Variants in CSMD1 observed in about 807,000 individuals in gnomAD.
The protein encoded by CSMD1 is CUB and Sushi multiple domains 1.
CSMD1 carries 213 observed loss-of-function variants against 417.5 expected under a neutral mutation model. That is an observed-to-expected ratio of 0.51 (90% CI 0.46 to 0.57). CSMD1 has a LOEUF of 0.57. CSMD1 is among the 20% of genes least tolerant of loss of function. CSMD1 has a pLI of 0.00. For missense variants in CSMD1, 6,923 were observed against 4,529.7 expected (o/e 1.53, Z -15.17); for synonymous variants, 2,862 against 1,736.8 (o/e 1.65, Z -16.11).
intron 2 of CSMD1, among the ~76,000 whole-genome samples, chr8:4,543,671 GAAAAAAA>G (rs35739254): frequency 4.4e-4 from 25 of 57,316 alleles, no homozygotes; most frequent in East Asian, 6.6e-4. Context: ...GTTTAATTTT[GAAAAAAA>G]AAAAAAAAAA....
intron 3 of CSMD1, among the ~76,000 whole-genome samples, chr8:4,257,713 G>C (rs1803563462): frequency 1.3e-5 from 2 of 152,076 alleles, no homozygotes; most frequent in South Asian, 2.1e-4. Context: ...AGTGTCACTG[G>C]GTACCAAATA....
Position 4,994,713 on chromosome 8 carries a change from C to T in CSMD1, c.-297G>A, listed in dbSNP as rs1015739620. On this transcript the variant is annotated 5_prime_UTR_variant, in exon 1 of 70. Coordinates refer to ENST00000635120, the MANE Select transcript of CSMD1 (RefSeq NM_033225.6). ...GCCGGGCAGGAAGGCACCAAGGCGG[C>T]GAGGCTGCGGGAGGGGGAGAAGCGG... The T allele has an allele frequency of 3.0e-6, 1 of 337,348 alleles. No homozygotes were observed. The highest frequency in any genetic ancestry group is 5.4e-6 in the Non-Finnish European group (1 of 185,804). The allele number at this position is 337,348 out of a possible 1,614,324, so 20.9% of individuals were successfully genotyped here.
chr8:4,738,827 G>T (rs1810411923), intron 1 of CSMD1, among the ~76,000 whole-genome samples: 1 of 152,022 alleles, frequency 6.6e-6, no homozygotes, highest in East Asian at 1.9e-4. Flanking sequence ...ACTACAGATG[G>T]AGAATAGAAA....
chr8:4,005,151 G>T (rs930635761), intron 4 of CSMD1, among the ~76,000 whole-genome samples: 2 of 152,056 alleles, frequency 1.3e-5, no homozygotes, highest in Admixed American at 1.3e-4. Context: ...GAGTGGGAGT[G>T]GGGAAAGGGG....
At chr8:4,776,556 C>G (rs796154074) in intron 1 of CSMD1, among the ~76,000 whole-genome samples, 1 of 152,136 alleles carries the variant, frequency 6.6e-6, no homozygotes, top group Non-Finnish European at 1.5e-5. Context: ...AATTCCACTA[C>G]GGGCTGCATT....
intron 5 of CSMD1, among the ~76,000 whole-genome samples, chr8:3,865,500 T>C (rs1462456705): frequency 6.7e-6 from 1 of 150,256 alleles, no homozygotes; most frequent in Non-Finnish European, 1.5e-5. Flanking sequence ...CAGAAAAGGG[T>C]GACAATAGTG....
rs556636174 is a variant in CSMD1 at position 4,154,412 on chromosome 8, A to T, written c.416-122313T>A. ...CTATTGTATAAGTATAGACAAAGGC[A>T]TTTAGCAGATGCCACTTTATTGCCT... is the stretch of plus-strand genomic sequence containing the variant. On this transcript the variant is annotated intron_variant, in intron 3 of 69. Transcript: ENST00000635120. 4.2e-4 allele frequency among the ~76,000 whole-genome samples: 64 copies of T among 152,362 alleles called. 2 individuals carry two copies. Among genetic ancestry groups the T allele is most frequent in the Non-Finnish European group, 1.5e-5 (1 of 68,040 alleles).
chr8:4,458,775 T>A (rs1034717673), intron 2 of CSMD1, among the ~76,000 whole-genome samples: 1 of 152,108 alleles, frequency 6.6e-6, no homozygotes, highest in Non-Finnish European at 1.5e-5. Context: ...TTGAATAAGA[T>A]AACGGTTAGG....
In CSMD1 at chr8:4,860,856, C is replaced by T. The variant is rs538410176; in HGVS notation, c.85+133476G>A. Among the ~76,000 whole-genome samples the T allele has an allele frequency of 7.2e-5, 11 of 152,176 alleles. No individual in the cohort carries two copies. In the South Asian group the frequency reaches 1.0e-3, roughly 14 times the overall value. On this transcript the variant is annotated intron_variant, in intron 1 of 69. Transcript: ENST00000635120. ...CAGCATAATTATTTCTGCGTAAAAA[C>T]GTTCACATCCCTGCTTCTCCTGCTA...
chr8:3,370,604 G>T (rs1014388118), intron 18 of CSMD1, among the ~76,000 whole-genome samples: 1 of 152,214 alleles, frequency 6.6e-6, no homozygotes, highest in East Asian at 1.9e-4. Context: ...ATTTGAGTCA[G>T]TGGACTGAGT....
At chr8:3,456,108 G>C (rs1563056043) in intron 12 of CSMD1, among the ~76,000 whole-genome samples, 1 of 152,186 alleles carries the variant, frequency 6.6e-6, no homozygotes, top group Non-Finnish European at 1.5e-5. Flanking sequence ...GACCCTCAAA[G>C]CCAGGTGCAG....
At chr8:4,698,696 C>T (rs186921671) in intron 1 of CSMD1, among the ~76,000 whole-genome samples, 337 of 149,982 alleles carry the variant, frequency 2.2e-3, no homozygotes, top group Non-Finnish European at 3.4e-3. Context: ...TCCCTCTGTA[C>T]GGGGGAGCAT....
chr8:4,939,057 C>T (rs1245102880), intron 1 of CSMD1, among the ~76,000 whole-genome samples: 3 of 152,132 alleles, frequency 2.0e-5, no homozygotes, highest in Non-Finnish European at 4.4e-5. Context: ...GCATCAGATG[C>T]ACAGTTTGCA....
chr8:3,878,781 C>T (rs1806006144), intron 5 of CSMD1, among the ~76,000 whole-genome samples: 2 of 152,144 alleles, frequency 1.3e-5, no homozygotes, highest in Admixed American at 1.3e-4. Flanking sequence ...TGAGTTTGTG[C>T]AAACTTTGAG....
At chr8:4,817,687 C>A (rs570059058) in intron 1 of CSMD1, among the ~76,000 whole-genome samples, 2 of 152,180 alleles carry the variant, frequency 1.3e-5, no homozygotes, top group African/African-American at 4.8e-5. Context: ...AAAGATAATG[C>A]TATCACAATC....
intron 2 of CSMD1, among the ~76,000 whole-genome samples, chr8:4,511,935 A>G (rs1304517899): frequency 2.6e-5 from 4 of 152,132 alleles, no homozygotes; most frequent in African/African-American, 7.2e-5. Flanking sequence ...ATTCTTCCTA[A>G]CAAGATAGGC....
intron 5 of CSMD1, among the ~76,000 whole-genome samples, chr8:3,838,935 TATA>T (rs1269563152): frequency 3.0e-5 from 3 of 101,660 alleles, no homozygotes; most frequent in East Asian, 2.4e-4. Flanking sequence ...TCTATTTATA[TATA>T]ATAAAAAATT....
rs114488633 is a variant in CSMD1, at chr8:3,490,299, C to T, written c.1448+3324G>A. Among the ~76,000 whole-genome samples, 1,038 of 152,182 alleles carry T rather than the reference C, an allele frequency of 6.8e-3. 11 individuals are homozygous for T. Among genetic ancestry groups the T allele is most frequent in the African/African-American group, 0.023 (972 of 41,530 alleles). ...ACAGATTCAAGCTATTGAGAGAAGG[C>T]GCTAATAACACTTCTGTCAATGTAA... On this transcript the variant is annotated intron_variant, in intron 11 of 69. Transcript: ENST00000635120.
chr8:3,822,175 G>C (rs149738593), intron 5 of CSMD1, among the ~76,000 whole-genome samples: 33 of 152,078 alleles, frequency 2.2e-4, no homozygotes, highest in Admixed American at 3.3e-4. Flanking sequence ...CCCTTGAATC[G>C]TTTAAGCACT....
Sources: allele counts gnomAD v4.1 joint callset (sites outside exome capture counted in the v4.1 genomes callset), GRCh38; gene constraint gnomAD v4.1.1; transcripts MANE v1.5; gene names NCBI Gene and HGNC (gene_info 2026-07-23, HGNC 2026-07-21).